The following GAB1 variants were observed in gnomAD, a reference collection of about 807,000 sequenced individuals.
The protein encoded by GAB1 is GRB2-associated-binding protein 1.
In GAB1, 19 loss-of-function variants were observed where a neutral mutation model predicts 66.5. The ratio of observed to expected loss-of-function variants is 0.29; its 90% CI spans 0.20 to 0.42. The LOEUF is 0.42. Ranked by LOEUF, GAB1 falls within the 10% of genes least tolerant of loss-of-function variation. GAB1 has a pLI of 1.00. For synonymous variants in GAB1, 294 were observed against 301.4 expected (o/e 0.98, Z 0.25); for missense variants, 732 against 858.5 (o/e 0.85, Z 1.84).
intron 1 of GAB1, among the ~76,000 whole-genome samples, chr4:143,410,218 G>A (rs960252997): frequency 6.6e-6 from 1 of 152,014 alleles, no homozygotes; most frequent in African/African-American, 2.4e-5. Context: ...AAAAGATGAG[G>A]GAATTTTGGC....
At chr4:143,380,919 T>C (rs1730633492) in intron 1 of GAB1, among the ~76,000 whole-genome samples, 1 of 152,242 alleles carries the variant, frequency 6.6e-6, no homozygotes, top group Non-Finnish European at 1.5e-5. Context: ...GAGAGTTTTT[T>C]TGCTGTTGTG....
chr4:143,436,001 A>G (rs1167780104), intron 3 of GAB1, among the ~76,000 whole-genome samples: 1 of 152,216 alleles, frequency 6.6e-6, no homozygotes, highest in Non-Finnish European at 1.5e-5. Context: ...AGTCAGAGCA[A>G]GGAGCTTTAC....
chr4:143,416,407 C>CA (rs1175657725), intron 2 of GAB1, among the ~76,000 whole-genome samples: 24 of 149,712 alleles, frequency 1.6e-4, no homozygotes, highest in African/African-American at 2.4e-4. Flanking sequence ...GACTCCGTCT[C>CA]AAAAAAAAAG....
chr4:143,456,002 C>T (rs1016722346), intron 6 of GAB1, among the ~76,000 whole-genome samples: 12 of 152,212 alleles, frequency 7.9e-5, no homozygotes, highest in African/African-American at 2.9e-4. Flanking sequence ...GAACAAATCA[C>T]TTAACCCCTT....
chr4:143,457,758 C>T, intron 6 of GAB1: 1 of 1,560,800 alleles, frequency 6.4e-7, no homozygotes, highest in Non-Finnish European at 8.7e-7. Flanking sequence ...GACTTTGCTA[C>T]AAGAAGAAAG....
At chr4:143,442,733 A>G (rs1734308939) in intron 6 of GAB1, among the ~76,000 whole-genome samples, 1 of 152,164 alleles carries the variant, frequency 6.6e-6, no homozygotes. Flanking sequence ...TCTTTAACGT[A>G]AAAGAACTTA....
At chr4:143,417,978 T>C (rs1246131309) in intron 2 of GAB1, among the ~76,000 whole-genome samples, 17 of 152,194 alleles carry the variant, frequency 1.1e-4, no homozygotes, top group Non-Finnish European at 4.4e-5. Flanking sequence ...AAGATTCGGA[T>C]TGAAGTGGAG....
chr4:143,464,927 G>A (rs1735701493), intron 8 of GAB1, among the ~76,000 whole-genome samples: 1 of 152,144 alleles, frequency 6.6e-6, no homozygotes. Flanking sequence ...CCAGATGTAT[G>A]CAGTTTTCAA....
At chr4:143,394,429 C>G (rs1044824999) in intron 1 of GAB1, among the ~76,000 whole-genome samples, 3 of 152,148 alleles carry the variant, frequency 2.0e-5, no homozygotes, top group Non-Finnish European at 4.4e-5. Flanking sequence ...TTAAATGCTT[C>G]CATTTGAAGA....
intron 8 of GAB1, 41 bp downstream of exon 8, chr4:143,460,528 T>G: frequency 6.3e-7 from 1 of 1,595,782 alleles, no homozygotes; most frequent in Non-Finnish European, 8.6e-7. Context: ...AGCAGCCCTT[T>G]TCAGTCATTC....
intron 6 of GAB1, among the ~76,000 whole-genome samples, chr4:143,449,926 A>G (rs1051137612): frequency 6.6e-6 from 1 of 151,932 alleles, no homozygotes; most frequent in African/African-American, 2.4e-5. Flanking sequence ...TTTGCACCTT[A>G]GGAGTAAAGC....
intron 2 of GAB1, among the ~76,000 whole-genome samples, chr4:143,416,465 T>C (rs1334750233): frequency 1.3e-5 from 2 of 150,842 alleles, no homozygotes; most frequent in Non-Finnish European, 3.0e-5. Context: ...TTTAAAAATA[T>C]ATTTTAAAAC....
At chr4:143,433,458 G>T in intron 2 of GAB1, 33 bp from the exon 3 acceptor site, 1 of 1,507,616 alleles carries the variant, frequency 6.6e-7, no homozygotes, top group Non-Finnish European at 9.2e-7. Context: ...GTTTAACTGT[G>T]ATAGACGTGA....
chr4:143,416,760 C>T (rs370486545), intron 2 of GAB1, among the ~76,000 whole-genome samples: 1 of 152,134 alleles, frequency 6.6e-6, no homozygotes. Flanking sequence ...GGCGACAGAG[C>T]AAGATGCCGT....
At chr4:143,468,265 A>C (rs192317972) in intron 9 of GAB1, among the ~76,000 whole-genome samples, 4 of 127,306 alleles carry the variant, frequency 3.1e-5, no homozygotes, top group Non-Finnish European at 1.5e-5. Flanking sequence ...CCCAGGCTGC[A>C]GTGCAGTGGC....
At position 143,364,742 on chromosome 4, in the gene GAB1, T is replaced by A. The variant is rs191130685; in HGVS notation, c.72+27482T>A. On this transcript the variant is annotated intron_variant, in intron 1 of 9. Coordinates refer to ENST00000262994, the MANE Select transcript of GAB1 (RefSeq NM_002039.4). ...TCTCTTCACTCCTACAGCCCCAGTGTTTGCTTGTTCACTCCCCGCGTCCCA... is the reference window on the plus strand; with the variant it reads ...TCTCTTCACTCCTACAGCCCCAGTGATTGCTTGTTCACTCCCCGCGTCCCA... Among the ~76,000 whole-genome samples, 34 of 152,162 alleles carry A rather than the reference T, an allele frequency of 2.2e-4. No individual in the cohort carries two copies. The East Asian group carries it at 6.6e-3, about 29-fold the overall frequency.
Position 143,447,353 on chromosome 4 carries a change from G to T in GAB1, c.1585+6971G>T, listed in dbSNP as rs528212008. On this transcript the variant is annotated intron_variant, in intron 6 of 9. Transcript: ENST00000262994. ...GAAGAAAGTCATTGGTAGATTGATGGGGATGGCATTGAATCTATAAATTAC... is the reference window on the plus strand; with the variant it reads ...GAAGAAAGTCATTGGTAGATTGATGTGGATGGCATTGAATCTATAAATTAC... Among the ~76,000 whole-genome samples, 12 of 152,228 alleles carry T rather than the reference G, an allele frequency of 7.9e-5. No individual in the cohort carries two copies. In the East Asian group the frequency reaches 2.3e-3, roughly 29 times the overall value.
At chr4:143,422,513 A>G (rs546359787) in intron 2 of GAB1, among the ~76,000 whole-genome samples, 3 of 152,312 alleles carry the variant, frequency 2.0e-5, no homozygotes, top group East Asian at 3.9e-4. Flanking sequence ...TACCTTACCA[A>G]TAAGAAAGAG....
chr4:143,439,914 C>T (rs375336957), intron 5 of GAB1, 27 bp downstream of exon 5: 1 of 1,542,682 alleles, frequency 6.5e-7, no homozygotes, highest in African/African-American at 1.4e-5. Flanking sequence ...TTGGCATCAT[C>T]AAGTGTATTT....
Sources: allele counts gnomAD v4.1 joint callset (sites outside exome capture counted in the v4.1 genomes callset), GRCh38; gene constraint gnomAD v4.1.1; transcripts MANE v1.5; gene names NCBI Gene and HGNC (gene_info 2026-07-23, HGNC 2026-07-21).